The following GOLM1 variants were observed in gnomAD, a reference collection of about 807,000 sequenced individuals.
GOLM1 encodes golgi membrane protein 1, also known as epididymis luminal protein 46.
A neutral mutation model predicts 50.5 loss-of-function variants in GOLM1; 31 were observed. The ratio of observed to expected loss-of-function variants is 0.61; its 90% CI spans 0.46 to 0.83. The LOEUF is 0.83. Ranked by LOEUF, GOLM1 falls within the 40% of genes least tolerant of loss-of-function variation. GOLM1 has a pLI of 0.00. For synonymous variants in GOLM1, 178 were observed against 192.8 expected (o/e 0.92, Z 0.64); for missense variants, 491 against 501.3 (o/e 0.98, Z 0.20).
At chr9:86,058,488 C>T (rs896655231) in intron 3 of GOLM1, among the ~76,000 whole-genome samples, 3 of 151,768 alleles carry the variant, frequency 2.0e-5, no homozygotes, top group Non-Finnish European at 4.4e-5. Context: ...GCAGGTGGAT[C>T]ACTTGAGGTC....
chr9:86,048,000 G>A (rs1300058355), intron 4 of GOLM1, among the ~76,000 whole-genome samples: 1 of 151,880 alleles, frequency 6.6e-6, no homozygotes, highest in African/African-American at 2.4e-5. Flanking sequence ...TTTACAATAG[G>A]TAATTTCTCT....
intron 3 of GOLM1, among the ~76,000 whole-genome samples, chr9:86,062,130 G>A (rs749279364): frequency 2.0e-5 from 3 of 152,186 alleles, no homozygotes; most frequent in Non-Finnish European, 4.4e-5. Flanking sequence ...TCACAGGGAA[G>A]GTAACATCCT....
intron 3 of GOLM1, among the ~76,000 whole-genome samples, chr9:86,064,481 G>T (rs1834249213): frequency 1.3e-5 from 2 of 152,066 alleles, no homozygotes; most frequent in African/African-American, 4.8e-5. Flanking sequence ...CAAATTCAGT[G>T]CAACATCACT....
At chr9:86,034,152 A>G (rs1387958308) in intron 8 of GOLM1, among the ~76,000 whole-genome samples, 4 of 152,020 alleles carry the variant, frequency 2.6e-5, no homozygotes, top group Admixed American at 2.6e-4. Flanking sequence ...TTTAGAAGAG[A>G]TGGGGTTTCA....
At chr9:86,086,634 G>GTGT (rs1834971540) in intron 1 of GOLM1, among the ~76,000 whole-genome samples, 1 of 152,208 alleles carries the variant, frequency 6.6e-6, no homozygotes, top group Non-Finnish European at 1.5e-5. Context: ...TTTGTACAAG[G>GTGT]TGTAAGGAAG....
At chr9:86,042,489 G>A (rs888019325) in intron 5 of GOLM1, among the ~76,000 whole-genome samples, 1 of 150,162 alleles carries the variant, frequency 6.7e-6, no homozygotes, top group African/African-American at 2.4e-5. Context: ...GGGTCACAAT[G>A]TACCACACAC....
intron 3 of GOLM1, among the ~76,000 whole-genome samples, chr9:86,075,826 C>CA (rs532202556): frequency 8.6e-4 from 130 of 151,916 alleles, no homozygotes; most frequent in Middle Eastern, 6.8e-3. Flanking sequence ...TTCAGGAGCA[C>CA]AAAAAGCATA....
chr9:86,079,961 T>A (rs938669552), intron 1 of GOLM1: 3 of 151,948 alleles, frequency 2.0e-5, no homozygotes, highest in African/African-American at 7.3e-5. Context: ...CCCATGTACA[T>A]CATTATTCAG....
In GOLM1 at chr9:86,027,572, C is replaced by G; in HGVS notation, c.*245G>C. 7.8e-7 allele frequency: 1 copy of G among 1,279,092 alleles called. No individual in the cohort carries two copies. Among genetic ancestry groups the G allele is most frequent in the Non-Finnish European group, 9.9e-7 (1 of 1,013,650 alleles). 79.2% of individuals were successfully genotyped at this position (1,279,092 alleles called of 1,614,324 possible). ...ATGTTCCAGTTTTGGTGTTGAACTT[C>G]TCACGAAATACCTACTACCAAAAAT... On this transcript the variant is annotated 3_prime_UTR_variant, in exon 10 of 10. Coordinates refer to ENST00000388712, the MANE Select transcript of GOLM1 (RefSeq NM_016548.4).
intron 3 of GOLM1, among the ~76,000 whole-genome samples, chr9:86,053,399 C>G (rs550277315): frequency 2.2e-5 from 3 of 138,520 alleles, no homozygotes; most frequent in East Asian, 4.7e-4. Context: ...CACATCAGTC[C>G]ACACCACACA....
At chr9:86,088,641 T>C (rs1470255786) in intron 1 of GOLM1, among the ~76,000 whole-genome samples, 2 of 151,348 alleles carry the variant, frequency 1.3e-5, no homozygotes, top group African/African-American at 4.9e-5. Context: ...TCCCTTTATT[T>C]TGAGCCTATG....
At chr9:86,049,272 A>T (rs1833659205) in intron 4 of GOLM1, among the ~76,000 whole-genome samples, 1 of 152,164 alleles carries the variant, frequency 6.6e-6, no homozygotes, top group South Asian at 2.1e-4. Context: ...TGGTTACTGT[A>T]GCCTTGTAGT....
intron 6 of GOLM1, among the ~76,000 whole-genome samples, chr9:86,040,408 C>T (rs2118670293): frequency 6.6e-6 from 1 of 152,300 alleles, no homozygotes; most frequent in Non-Finnish European, 1.5e-5. Context: ...TACCACTGAC[C>T]AGGTGGTGTG....
chr9:86,036,754 C>T, intron 6 of GOLM1: 1 of 502,266 alleles, frequency 2.0e-6, no homozygotes, highest in East Asian at 3.4e-5. Flanking sequence ...AGTGATTCTG[C>T]TGAGAGGAAG....
chr9:86,071,463 G>C (rs1036803461), intron 3 of GOLM1, among the ~76,000 whole-genome samples: 1 of 152,026 alleles, frequency 6.6e-6, no homozygotes, highest in Non-Finnish European at 1.5e-5. Flanking sequence ...TGGATCACTT[G>C]AAGTCAGGAG....
intron 1 of GOLM1, among the ~76,000 whole-genome samples, chr9:86,084,417 C>T (rs558930264): frequency 1.3e-5 from 2 of 152,146 alleles, no homozygotes; most frequent in African/African-American, 2.4e-5. Context: ...ACTAGGAGGG[C>T]ACGGCACCTC....
At chr9:86,088,790 T>C (rs1382597060) in intron 1 of GOLM1, among the ~76,000 whole-genome samples, 2 of 152,122 alleles carry the variant, frequency 1.3e-5, no homozygotes, top group African/African-American at 2.4e-5. Flanking sequence ...ATGTGTGAAT[T>C]TGATCCTGTC....
chr9:86,033,437 T>C, intron 8 of GOLM1, 42 bp from the exon 9 acceptor site: 1 of 1,213,176 alleles, frequency 8.2e-7, no homozygotes, highest in Non-Finnish European at 1.2e-6. Flanking sequence ...ATCATTTCTG[T>C]CTTGATGTCA....
intron 5 of GOLM1, among the ~76,000 whole-genome samples, chr9:86,042,882 T>C (rs1322104646): frequency 6.6e-6 from 1 of 152,238 alleles, no homozygotes; most frequent in Non-Finnish European, 1.5e-5. Context: ...ACAAAGGTCA[T>C]GCAGATTGTG....
Sources: gnomAD v4.1 joint callset for allele counts (sites outside exome capture counted in the v4.1 genomes callset) on GRCh38, gnomAD v4.1.1 for gene constraint, MANE v1.5 for transcripts, NCBI Gene and HGNC (gene_info 2026-07-23, HGNC 2026-07-21) for gene names.